Variants in PATJ observed in about 807,000 individuals in gnomAD.
PATJ encodes the protein PATJ crumbs cell polarity complex component.
PATJ carries 190 observed loss-of-function variants against 224.9 expected under a neutral mutation model. The observed-to-expected ratio is 0.84, with a 90% CI of 0.75 to 0.95. The LOEUF is 0.95. PATJ is among the 40% of genes least tolerant of loss of function. The pLI, the probability that PATJ is intolerant of heterozygous loss-of-function variation, is 0.00. For missense variants in PATJ, 2,121 were observed against 2,270.3 expected (o/e 0.93, Z 1.34); for synonymous variants, 769 against 820.3 (o/e 0.94, Z 1.07).
In PATJ at chr1:62,015,771, C is replaced by G. The variant is rs1475028690; in HGVS notation, c.3868-2085C>G. ...TCAGTCTGTCACCCACACTGGAATG[C>G]AGTGGCGCCATCTCAGCTCCCAAGT... On this transcript the variant is annotated intron_variant, in intron 28 of 43. Transcript: ENST00000642238. Among the ~76,000 whole-genome samples the G allele has an allele frequency of 5.3e-5, 8 of 152,112 alleles. 1 individual carries two copies. The highest frequency in any genetic ancestry group is 1.2e-4 in the Non-Finnish European group (8 of 68,016).
At chr1:61,995,544 G>T (rs1645302296) in intron 28 of PATJ, among the ~76,000 whole-genome samples, 1 of 152,140 alleles carries the variant, frequency 6.6e-6, no homozygotes, top group Non-Finnish European at 1.5e-5. Flanking sequence ...TGTGACATTT[G>T]CTAGCAGTTT....
chr1:61,916,994 T>C (rs1048459347), intron 26 of PATJ, among the ~76,000 whole-genome samples: 17 of 152,192 alleles, frequency 1.1e-4, no homozygotes, highest in Admixed American at 9.8e-4. Context: ...CCTTAAACAC[T>C]AATCTTAGTT....
intron 8 of PATJ, among the ~76,000 whole-genome samples, chr1:61,789,876 C>T (rs1294245557): frequency 6.6e-6 from 1 of 152,056 alleles, no homozygotes; most frequent in Non-Finnish European, 1.5e-5. Context: ...CTCTAGTTCC[C>T]TGGAGCCTTC....
chr1:61,914,750 C>T, intron 26 of PATJ, 86 bp downstream of exon 26: 1 of 722,934 alleles, frequency 1.4e-6, no homozygotes, highest in Non-Finnish European at 2.3e-6. Context: ...ATAGAAGTGG[C>T]TTTTTGATGA....
At chr1:62,156,014 C>T (rs1357508497) in intron 43 of PATJ, among the ~76,000 whole-genome samples, 16 of 138,930 alleles carry the variant, frequency 1.2e-4, no homozygotes, top group Non-Finnish European at 2.3e-4. Flanking sequence ...GCCGAGATTG[C>T]GCCACTGCAC....
intron 27 of PATJ, among the ~76,000 whole-genome samples, chr1:61,938,565 A>G (rs2149333196): frequency 6.6e-6 from 1 of 152,284 alleles, no homozygotes; most frequent in East Asian, 1.9e-4. Flanking sequence ...ACTAACAGTA[A>G]TAGGCTGTGT....
intron 14 of PATJ, among the ~76,000 whole-genome samples, chr1:61,809,636 C>T (rs1391537508): frequency 2.0e-5 from 3 of 152,086 alleles, no homozygotes; most frequent in Non-Finnish European, 4.4e-5. Context: ...ATCCACCCAC[C>T]TTGGCCTCCC....
intron 31 of PATJ, among the ~76,000 whole-genome samples, chr1:62,067,287 C>T (rs1042048962): frequency 1.5e-4 from 23 of 151,824 alleles, no homozygotes; most frequent in African/African-American, 5.6e-4. Context: ...CCACCACGCC[C>T]GGCTAATTTT....
chr1:61,787,650 T>C lies in PATJ; in HGVS notation c.850-104T>C, dbSNP rs1214617796. ...CATTTTATTCAGCATTTTAGGTGGC[T>C]TCTTTGTCAGCCATTTTGCCAGAGC... On this transcript the variant is annotated intron_variant, in intron 7 of 43. Coordinates refer to ENST00000642238, the MANE Select transcript of PATJ (RefSeq NM_001350145.3). 9 of 813,004 alleles carry C rather than the reference T, an allele frequency of 1.1e-5. 1 individual carries two copies. Among genetic ancestry groups the C allele is most frequent in the Middle Eastern group, 2.6e-4 (1 of 3,900 alleles). The allele number at this position is 813,004 out of a possible 1,614,324, so 50.4% of individuals were successfully genotyped here.
chr1:61,974,692 A>G (rs1644032892), intron 27 of PATJ, among the ~76,000 whole-genome samples: 1 of 152,002 alleles, frequency 6.6e-6, no homozygotes, highest in Non-Finnish European at 1.5e-5. Context: ...GCTAGCTTTG[A>G]AACAAAAAGT....
rs1183533244 is a variant in PATJ, at chr1:62,160,999, C to T, written c.5594C>T (p.Ala1865Val). 12 of 1,609,868 alleles carry T rather than the reference C, an allele frequency of 7.5e-6. No homozygotes were observed. The highest frequency in any genetic ancestry group is 1.0e-5 in the Non-Finnish European group (12 of 1,178,496). Residue 1865 changes from alanine (A) to valine (V), a missense_variant, in exon 44 of 44, where the codon GCA (alanine) becomes GTA (valine). By Grantham distance (64) the Ala-to-Val change is moderately conservative. Coordinates refer to ENST00000642238, the MANE Select transcript of PATJ (RefSeq NM_001350145.3). ...CTGGAAGGTGTTACTCATGAGCAAG[C>T]AGTCGCCATTCTAAAACACCAGAGA... ...ETLEGVTHEQ[A>V]VAILKHQRGT...
At chr1:62,123,201 A>G (rs1665288754) in intron 39 of PATJ, 143 bp downstream of exon 39, 2 of 603,476 alleles carry the variant, frequency 3.3e-6, no homozygotes, top group East Asian at 2.9e-5. Context: ...AATAACATCA[A>G]TAAATAGACT....
At chr1:62,013,797 A>G (rs977746126) in intron 28 of PATJ, among the ~76,000 whole-genome samples, 3 of 152,122 alleles carry the variant, frequency 2.0e-5, no homozygotes, top group African/African-American at 7.2e-5. Flanking sequence ...TTTTTGAGAC[A>G]GAGTCTTGCT....
chr1:61,915,917 G>A (rs1039088871), intron 26 of PATJ, among the ~76,000 whole-genome samples: 6 of 151,998 alleles, frequency 3.9e-5, no homozygotes, highest in Middle Eastern at 3.4e-3. Flanking sequence ...GGATGGTCTC[G>A]ATCTCTTGAC....
intron 27 of PATJ, among the ~76,000 whole-genome samples, chr1:61,946,724 A>C (rs1356642731): frequency 6.6e-6 from 1 of 152,218 alleles, no homozygotes; most frequent in Non-Finnish European, 1.5e-5. Flanking sequence ...TTATGTGGCC[A>C]ACATCATCCT....
At chr1:62,050,867 C>A (rs897983111) in intron 30 of PATJ, 99 bp from the exon 31 acceptor site, 10 of 859,036 alleles carry the variant, frequency 1.2e-5, no homozygotes, top group Non-Finnish European at 1.7e-5. Context: ...ATATCCACCA[C>A]AACCATATGA....
intron 27 of PATJ, among the ~76,000 whole-genome samples, chr1:61,968,607 C>T (rs902690847): frequency 1.2e-4 from 18 of 151,848 alleles, no homozygotes; most frequent in African/African-American, 4.4e-4. Context: ...ATGTGCACAA[C>T]GTGCAGGTTT....
rs893689417 is a variant in PATJ at position 61,877,865 on chromosome 1, T to C, written c.2959+2499T>C. ...TTTTCTAACCTCTGTACCCCTGTTA[T>C]GACCATTACCTGATTACAGAGGCCC... is the stretch of plus-strand genomic sequence containing the variant. On this transcript the variant is annotated intron_variant, in intron 21 of 43. Coordinates refer to ENST00000642238, the MANE Select transcript of PATJ (RefSeq NM_001350145.3). Among the ~76,000 whole-genome samples, 3 of 152,222 alleles carry C rather than the reference T, an allele frequency of 2.0e-5. 1 individual carries two copies. In the South Asian group the frequency reaches 6.2e-4, roughly 32 times the overall value.
At chr1:62,020,969 G>A (rs754280879) in intron 29 of PATJ, among the ~76,000 whole-genome samples, 3 of 152,074 alleles carry the variant, frequency 2.0e-5, no homozygotes, top group Non-Finnish European at 4.4e-5. Context: ...GGGACTACAG[G>A]TGTGTACCAC....
Sources: gnomAD v4.1 joint callset for allele counts (sites outside exome capture counted in the v4.1 genomes callset) on GRCh38, gnomAD v4.1.1 for gene constraint, MANE v1.5 for transcripts, NCBI Gene and HGNC (gene_info 2026-07-23, HGNC 2026-07-21) for gene names.